Variants in TRIM63 observed in about 807,000 individuals in gnomAD.
TRIM63 encodes the protein E3 ubiquitin-protein ligase TRIM63.
TRIM63 carries 48 observed loss-of-function variants against 46.0 expected under a neutral mutation model. The observed-to-expected ratio is 1.04, with a 90% CI of 0.83 to 1.33. The LOEUF (loss-of-function observed/expected upper bound fraction) is 1.33, where lower values mean the gene tolerates loss of function less well. Ranked by LOEUF, TRIM63 falls within the 40% of genes most tolerant of loss-of-function variation. The pLI is 0.00. For missense variants in TRIM63, 455 were observed against 441.2 expected (o/e 1.03, Z -0.28); for synonymous variants, 175 against 162.8 (o/e 1.08, Z -0.57).
At chr1:26,066,825 G>A (rs1413927252) in intron 1 of TRIM63, among the ~76,000 whole-genome samples, 2 of 151,848 alleles carry the variant, frequency 1.3e-5, no homozygotes, top group African/African-American at 4.8e-5. Flanking sequence ...GGGGAACCTC[G>A]CATCCTGCCT....
At chr1:26,051,982 TA>T in intron 8 of TRIM63, 99 bp from the exon 9 acceptor site, 1 of 1,048,936 alleles carries the variant, frequency 9.5e-7, no homozygotes, top group Non-Finnish European at 1.3e-6. Context: ...GGAGTTTGAA[TA>T]AAACATCAAA....
intron 4 of TRIM63, among the ~76,000 whole-genome samples, chr1:26,059,580 G>A (rs943019878): frequency 3.9e-5 from 6 of 152,076 alleles, no homozygotes; most frequent in Non-Finnish European, 5.9e-5. Flanking sequence ...TCATCAGACC[G>A]GGAGCCTCTC....
rs761932174 is a variant in TRIM63, at chr1:26,057,579, C to T, written c.854+49G>A. Reference sequence around the variant, plus strand: ...AGGATGAGGCTTCCTGGACAGAGGTCCTGGTGGGAACTAGGTGCTTGGATC... The same window carrying T: ...AGGATGAGGCTTCCTGGACAGAGGTTCTGGTGGGAACTAGGTGCTTGGATC... On this transcript the variant is annotated intron_variant, in intron 6 of 8. Transcript: ENST00000374272. 3.1e-6 allele frequency: 5 copies of T among 1,591,494 alleles called. No homozygotes were observed. In the Admixed American group the frequency reaches 8.8e-5, roughly 28 times the overall value.
intron 7 of TRIM63, among the ~76,000 whole-genome samples, chr1:26,056,337 C>A (rs1364924059): frequency 6.6e-6 from 1 of 152,152 alleles, no homozygotes; most frequent in Non-Finnish European, 1.5e-5. Flanking sequence ...GAAATGAGGA[C>A]ATGATGTTGA....
intron 7 of TRIM63, among the ~76,000 whole-genome samples, chr1:26,054,619 T>A (rs947013410): frequency 6.6e-6 from 1 of 152,094 alleles, no homozygotes; most frequent in African/African-American, 2.4e-5. Flanking sequence ...CCAAGCTACC[T>A]CCTTAACCTT....
rs368242891 is a variant in TRIM63 at position 26,051,795 on chromosome 1, C to A, written c.*78G>T. On this transcript the variant is annotated 3_prime_UTR_variant, in exon 9 of 9. Transcript: ENST00000374272. ...GGCCCCGACCCCTCCCACCCTGGGCCTGTCACCAAGGCCGCTGGGCCCCTC... is the reference window on the plus strand; with the variant it reads ...GGCCCCGACCCCTCCCACCCTGGGCATGTCACCAAGGCCGCTGGGCCCCTC... 2.8e-6 allele frequency: 3 copies of A among 1,057,438 alleles called. No homozygotes were observed. The highest frequency in any genetic ancestry group is 3.8e-6 in the Non-Finnish European group (3 of 792,754). 65.5% of individuals were successfully genotyped at this position (1,057,438 alleles called of 1,614,324 possible).
chr1:26,060,050 C>G (rs1352833467), intron 4 of TRIM63, among the ~76,000 whole-genome samples: 1 of 152,160 alleles, frequency 6.6e-6, no homozygotes, highest in South Asian at 2.1e-4. Flanking sequence ...TCCTCCATCC[C>G]CCACATCTTG....
chr1:26,059,738 A>T (rs1009780255), intron 4 of TRIM63, among the ~76,000 whole-genome samples: 1 of 152,144 alleles, frequency 6.6e-6, no homozygotes, highest in East Asian at 1.9e-4. Context: ...TCAGGGATAG[A>T]AAAGTTCCCT....
At position 26,067,427 on chromosome 1, in the gene TRIM63, C is replaced by T. The variant is rs754874432; in HGVS notation, c.68G>A (p.Cys23Tyr). 2.7e-5 allele frequency: 44 copies of T among 1,614,188 alleles called. No homozygotes were observed. Among genetic ancestry groups the T allele is most frequent in the Middle Eastern group, 3.3e-4 (2 of 6,062 alleles). ...PMENLEKQLI[C>Y]PICLEMFTKP... ...GGTAAACATCTCCAGGCAGATAGGGCAGATCAGCTGCTTCTCCAAGTTCTC... is the reference window on the plus strand; with the variant it reads ...GGTAAACATCTCCAGGCAGATAGGGTAGATCAGCTGCTTCTCCAAGTTCTC... Residue 23 changes from cysteine to tyrosine, a missense_variant, in exon 1 of 9, where the codon TGC becomes TAC. Physicochemically the swap from Cys to Tyr is radical, Grantham distance 194. Coordinates refer to ENST00000374272, the MANE Select transcript of TRIM63 (RefSeq NM_032588.4).
Position 26,067,332 on chromosome 1 carries a change from T to C in TRIM63, c.159+4A>G. On this transcript the variant is annotated splice_donor_region_variant and intron_variant, in intron 1 of 8. Transcript: ENST00000374272. Reference sequence around the variant, plus strand: ...CCCCAAATGAAGCTGCACCCGGCACTTACCTGGAAGATGTCATTGGCACAC... The same window carrying C: ...CCCCAAATGAAGCTGCACCCGGCACCTACCTGGAAGATGTCATTGGCACAC... 2 of 1,613,710 alleles carry C rather than the reference T, an allele frequency of 1.2e-6. No individual in the cohort carries two copies. Among genetic ancestry groups the C allele is most frequent in the East Asian group, 4.5e-5 (2 of 44,868 alleles).
At chr1:26,052,525 C>T (rs111543247) in intron 8 of TRIM63, among the ~76,000 whole-genome samples, 9,080 of 152,126 alleles carry the variant, frequency 0.06, 381 homozygotes, top group Non-Finnish European at 0.097. Context: ...AGTGAAGTGG[C>T]GTGATCTCGG....
At position 26,053,903 on chromosome 1, in the gene TRIM63, C is replaced by T. The variant is rs61749354; in HGVS notation, c.1041G>A (p.Gly347=). 4,932 of 1,593,200 alleles carry T rather than the reference C, an allele frequency of 3.1e-3. 167 individuals carry two copies. In the Admixed American group the frequency reaches 0.065, roughly 21 times the overall value. ...EDQEEEESTE[G]KEEGHQ ...AGATGAATTTCTTACCTTCTTCCTT[C>T]CCTTCTGTGGACTCTTCCTCTTCCT... is the stretch of plus-strand genomic sequence containing the variant. The change falls in exon 8 of 9, where the codon GGG becomes GGA. Residue 347 remains glycine, a synonymous_variant. Transcript: ENST00000374272.
chr1:26,055,204 T>C (rs77252965), intron 7 of TRIM63, among the ~76,000 whole-genome samples: 6,833 of 152,284 alleles, frequency 0.045, 540 homozygotes, highest in African/African-American at 0.15. Flanking sequence ...CAGTAGAATC[T>C]GCACAGGCTA....
intron 7 of TRIM63, 125 bp downstream of exon 7, chr1:26,057,078 G>T: frequency 1.6e-6 from 2 of 1,280,046 alleles, no homozygotes; most frequent in Non-Finnish European, 2.1e-6. Context: ...TTGGCTATAT[G>T]AGTTTGATTG....
intron 7 of TRIM63, among the ~76,000 whole-genome samples, chr1:26,055,479 C>T (rs367609972): frequency 6.2e-4 from 94 of 151,760 alleles, no homozygotes; most frequent in African/African-American, 2.2e-3. Flanking sequence ...ATGTTCACAC[C>T]GTATGACCCA....
intron 1 of TRIM63, 46 bp downstream of exon 1, chr1:26,067,290 A>G: frequency 6.2e-7 from 1 of 1,605,880 alleles, no homozygotes. Context: ...CAGGGAAGCC[A>G]AGTAGCCACC....
intron 7 of TRIM63, among the ~76,000 whole-genome samples, chr1:26,056,205 C>T (rs1380324788): frequency 6.6e-6 from 1 of 152,168 alleles, no homozygotes; most frequent in African/African-American, 2.4e-5. Flanking sequence ...TGACCTTTAG[C>T]AAATTAACAT....
chr1:26,060,415 T>A, intron 3 of TRIM63, 54 bp from the exon 4 acceptor site: 1 of 1,411,612 alleles, frequency 7.1e-7, no homozygotes. Flanking sequence ...CCTCAGGGCC[T>A]ACCCACTGGG....
intron 2 of TRIM63, among the ~76,000 whole-genome samples, chr1:26,061,564 A>T (rs2050626348): frequency 6.6e-6 from 1 of 152,206 alleles, no homozygotes; most frequent in African/African-American, 2.4e-5. Context: ...TTGGGAAGCC[A>T]ATGACACCAA....
Sources: gnomAD v4.1 joint callset for allele counts (sites outside exome capture counted in the v4.1 genomes callset) on GRCh38, gnomAD v4.1.1 for gene constraint, MANE v1.5 for transcripts, NCBI Gene and HGNC (gene_info 2026-07-23, HGNC 2026-07-21) for gene names.